Variants in WDR43 observed in about 807,000 individuals in gnomAD.
WDR43 encodes WD repeat-containing protein 43.
A neutral mutation model predicts 91.4 loss-of-function variants in WDR43; 13 were observed. The ratio of observed to expected loss-of-function variants is 0.14; its 90% CI spans 0.09 to 0.23. The LOEUF (loss-of-function observed/expected upper bound fraction) is 0.23, where lower values mean the gene tolerates loss of function less well. Ranked by LOEUF, WDR43 falls within the 10% of genes least tolerant of loss-of-function variation. The probability of loss-of-function intolerance (pLI) is 1.00; values close to 1 mark genes in which losing one functional copy is unlikely to be tolerated. For missense variants in WDR43, 780 were observed against 809.4 expected, an observed-to-expected ratio of 0.96 and a Z score of 0.44; for synonymous variants, 331 against 287.9, an observed-to-expected ratio of 1.15 and a Z score of -1.51.
At chr2:28,923,866 T>C (rs890735422) in intron 7 of WDR43, among the ~76,000 whole-genome samples, 1 of 152,136 alleles carries the variant, frequency 6.6e-6, no homozygotes, top group Admixed American at 6.5e-5. Flanking sequence ...ACCTGGGCAG[T>C]GGCAAACCAT....
At chr2:28,906,669 G>C in intron 3 of WDR43, 88 bp downstream of exon 3, 1 of 1,411,090 alleles carries the variant, frequency 7.1e-7, no homozygotes, top group South Asian at 1.6e-5. Context: ...AAGGTTATAG[G>C]TTCCATTTAC....
chr2:28,905,449 C>T (rs958230323), intron 2 of WDR43, among the ~76,000 whole-genome samples: 2 of 152,140 alleles, frequency 1.3e-5, no homozygotes, highest in Non-Finnish European at 2.9e-5. Context: ...TACAAGGAAG[C>T]ATTTAGTGTT....
At chr2:28,911,584 G>T (rs958426417) in intron 3 of WDR43, among the ~76,000 whole-genome samples, 2 of 146,024 alleles carry the variant, frequency 1.4e-5, no homozygotes, top group African/African-American at 5.1e-5. Flanking sequence ...ATGAGCCACC[G>T]CGCCCAGCCT....
At chr2:28,933,016 G>C (rs1019535914) in intron 11 of WDR43, among the ~76,000 whole-genome samples, 1 of 152,112 alleles carries the variant, frequency 6.6e-6, no homozygotes, top group Non-Finnish European at 1.5e-5. Context: ...TCTAAGCCCT[G>C]TTCATGGGTT....
At chr2:28,930,343 A>G (rs1376131615) in intron 11 of WDR43, among the ~76,000 whole-genome samples, 4 of 152,228 alleles carry the variant, frequency 2.6e-5, no homozygotes, top group African/African-American at 7.2e-5. Flanking sequence ...AGAATATTTA[A>G]GTGAAAAACA....
chr2:28,935,413 C>T (rs1671319781), intron 11 of WDR43, 108 bp from the exon 12 acceptor site: 2 of 700,414 alleles, frequency 2.9e-6, no homozygotes, highest in African/African-American at 1.9e-5. Flanking sequence ...AGTTTATTGC[C>T]TTGGTCTTAA....
intron 1 of WDR43, among the ~76,000 whole-genome samples, chr2:28,897,206 GAC>G (rs1670497223): frequency 6.6e-6 from 1 of 152,162 alleles, no homozygotes; most frequent in Non-Finnish European, 1.5e-5. Flanking sequence ...ACTAAGGAGA[GAC>G]AGTTTTCTTG....
intron 4 of WDR43, 107 bp downstream of exon 4, chr2:28,912,817 G>T: frequency 1.4e-6 from 2 of 1,411,980 alleles, no homozygotes; most frequent in Non-Finnish European, 1.9e-6. Flanking sequence ...ATTCTTCATT[G>T]TCAGGTACAT....
chr2:28,898,555 A>T (rs939935270), intron 1 of WDR43, among the ~76,000 whole-genome samples: 3 of 152,214 alleles, frequency 2.0e-5, no homozygotes, highest in Non-Finnish European at 4.4e-5. Context: ...AGTGAGATAG[A>T]TGAAGAAATG....
chr2:28,905,447 A>T (rs897943990), intron 2 of WDR43, among the ~76,000 whole-genome samples: 1 of 152,204 alleles, frequency 6.6e-6, no homozygotes, highest in Non-Finnish European at 1.5e-5. Flanking sequence ...AGTACAAGGA[A>T]GCATTTAGTG....
chr2:28,895,188 G>A (rs1481740912), intron 1 of WDR43: 1 of 329,634 alleles, frequency 3.0e-6, no homozygotes, highest in Non-Finnish European at 5.5e-6. Context: ...GGGCCCCACT[G>A]TTGACGGGCA....
intron 3 of WDR43, among the ~76,000 whole-genome samples, chr2:28,910,421 C>A (rs910740074): frequency 6.6e-6 from 1 of 152,062 alleles, no homozygotes; most frequent in African/African-American, 2.4e-5. Context: ...AGGAAAAGTT[C>A]TCTCGTACAT....
chr2:28,906,479 G>A lies in WDR43; in HGVS notation c.383G>A (p.Arg128Lys), dbSNP rs776387701. ...SKLISGGHDN[R>K]VNCIQWHQDS... ...CTACAGAGTGGTGGACATGACAACAGAGTCAACTGCATACAGTGGCATCAA... is the reference window on the plus strand; with the variant it reads ...CTACAGAGTGGTGGACATGACAACAAAGTCAACTGCATACAGTGGCATCAA... The change falls in exon 3 of 18, where the codon AGA (arginine) becomes AAA (lysine). Residue 128 changes from arginine to lysine, a missense_variant. Arg to Lys is a conservative substitution (Grantham distance 26). Coordinates refer to ENST00000407426, the MANE Select transcript of WDR43 (RefSeq NM_015131.3). 11 of 1,571,600 alleles carry A rather than the reference G, an allele frequency of 7.0e-6. No individual in the cohort carries two copies. The highest frequency in any genetic ancestry group is 9.5e-6 in the Non-Finnish European group (11 of 1,158,938).
intron 15 of WDR43, 117 bp from the exon 16 acceptor site, chr2:28,942,195 T>A (rs1671450784): frequency 1.1e-6 from 1 of 896,540 alleles, no homozygotes; most frequent in Non-Finnish European, 1.8e-6. Context: ...GGTCCTCCAT[T>A]ATGGTGGTGG....
intron 7 of WDR43, among the ~76,000 whole-genome samples, chr2:28,923,275 C>T (rs539928480): frequency 6.6e-6 from 1 of 152,178 alleles, no homozygotes; most frequent in South Asian, 2.1e-4. Context: ...ACTTGTGAAC[C>T]TTGATGATGT....
chr2:28,940,000 G>A (rs558249235), intron 14 of WDR43, among the ~76,000 whole-genome samples: 39 of 151,742 alleles, frequency 2.6e-4, no homozygotes, highest in African/African-American at 6.3e-4. Context: ...CCAGCTACTC[G>A]GGAGGCTGAG....
intron 6 of WDR43, 82 bp downstream of exon 6, chr2:28,918,077 C>A: frequency 3.2e-6 from 4 of 1,250,110 alleles, no homozygotes; most frequent in Non-Finnish European, 4.5e-6. Context: ...GATTTAATGA[C>A]TTGAGAAATA....
rs1277513864 is a variant in WDR43 at position 28,947,643 on chromosome 2, C to T, written c.*864C>T. On this transcript the variant is annotated 3_prime_UTR_variant, in exon 18 of 18. Transcript: ENST00000407426. Reference sequence around the variant, plus strand: ...CAAAGAACAATTGTTTATTTTTTCTCTTTGGTTTTAGATATTAATGATAAC... The same window carrying T: ...CAAAGAACAATTGTTTATTTTTTCTTTTTGGTTTTAGATATTAATGATAAC... 1 of 151,658 alleles carries T rather than the reference C, an allele frequency of 6.6e-6. No individual in the cohort carries two copies. Among genetic ancestry groups the T allele is most frequent in the Non-Finnish European group, 1.5e-5 (1 of 67,902 alleles). 9.4% of individuals were successfully genotyped at this position (151,658 alleles called of 1,614,324 possible).
At chr2:28,929,856 C>A in intron 11 of WDR43, 146 bp downstream of exon 11, 1 of 878,158 alleles carries the variant, frequency 1.1e-6, no homozygotes, top group Non-Finnish European at 1.7e-6. Flanking sequence ...ACATGTATCA[C>A]TTGGTGGCAT....
Sources: gnomAD v4.1 joint callset for allele counts (sites outside exome capture counted in the v4.1 genomes callset) on GRCh38, gnomAD v4.1.1 for gene constraint, MANE v1.5 for transcripts, NCBI Gene and HGNC (gene_info 2026-07-23, HGNC 2026-07-21) for gene names.